CTNNA3: variants seen among roughly 807,000 people sequenced by gnomAD.
CTNNA3 encodes the protein catenin alpha 3.
CTNNA3 carries 76 observed loss-of-function variants against 95.7 expected under a neutral mutation model. The observed-to-expected ratio is 0.79, with a 90% CI of 0.66 to 0.96. The LOEUF (loss-of-function observed/expected upper bound fraction) is 0.96, where lower values mean the gene tolerates loss of function less well. CTNNA3 is among the 40% of genes least tolerant of loss of function. CTNNA3 has a pLI of 0.00. For missense variants in CTNNA3, 1,191 were observed against 1,089.8 expected, an observed-to-expected ratio of 1.09 and a Z score of -1.31; for synonymous variants, 431 against 374.4, an observed-to-expected ratio of 1.15 and a Z score of -1.74.
At chr10:67,342,551 GTAGTAGTTTCA>G (rs1842248732) in intron 5 of CTNNA3, among the ~76,000 whole-genome samples, 2 of 152,264 alleles carry the variant, frequency 1.3e-5, no homozygotes, top group South Asian at 2.1e-4. Flanking sequence ...AACGTTTTCT[GTAGTAGTTTCA>G]TAGTTTGAGA....
intron 9 of CTNNA3, among the ~76,000 whole-genome samples, chr10:66,644,622 C>T (rs1381755264): frequency 6.6e-6 from 1 of 151,626 alleles, no homozygotes; most frequent in Admixed American, 6.6e-5. Context: ...AAACTTTATC[C>T]CCGTCTTACA....
At chr10:67,312,540 G>A (rs1451233851) in intron 5 of CTNNA3, among the ~76,000 whole-genome samples, 1 of 152,146 alleles carries the variant, frequency 6.6e-6, no homozygotes, top group Non-Finnish European at 1.5e-5. Flanking sequence ...ATAGTTCAGT[G>A]CATCAAGGGA....
At chr10:66,014,031 G>A (rs575877199) in intron 15 of CTNNA3, among the ~76,000 whole-genome samples, 17 of 151,996 alleles carry the variant, frequency 1.1e-4, no homozygotes, top group Admixed American at 2.0e-4. Context: ...ATAACAACTT[G>A]TGAAGGAATA....
chr10:67,392,554 G>T (rs1160334065), intron 5 of CTNNA3, among the ~76,000 whole-genome samples: 1 of 152,148 alleles, frequency 6.6e-6, no homozygotes, highest in Non-Finnish European at 1.5e-5. Flanking sequence ...TCCCATTACT[G>T]GGTATATACC....
chr10:67,662,033 G>A (rs1337140074), intron 1 of CTNNA3, among the ~76,000 whole-genome samples: 1 of 152,026 alleles, frequency 6.6e-6, no homozygotes, highest in Admixed American at 6.6e-5. Flanking sequence ...CACTCCTTAG[G>A]TATTTAGCCA....
intron 7 of CTNNA3, among the ~76,000 whole-genome samples, chr10:67,147,481 G>A (rs1860900460): frequency 6.6e-6 from 1 of 152,126 alleles, no homozygotes; most frequent in Non-Finnish European, 1.5e-5. Context: ...AGCACAAAAT[G>A]TATTCTTTTC....
chr10:67,321,109 C>T (rs544340885), intron 5 of CTNNA3, among the ~76,000 whole-genome samples: 16 of 152,282 alleles, frequency 1.1e-4, no homozygotes, highest in Non-Finnish European at 2.2e-4. Flanking sequence ...ACTAACTGCA[C>T]TTAACATATG....
chr10:66,072,420 G>A (rs2080458467), intron 14 of CTNNA3, among the ~76,000 whole-genome samples: 1 of 148,928 alleles, frequency 6.7e-6, no homozygotes, highest in Non-Finnish European at 1.5e-5. Flanking sequence ...TGCTGACCAA[G>A]TGATGCCTGA....
At chr10:67,314,344 A>G (rs897229831) in intron 5 of CTNNA3, among the ~76,000 whole-genome samples, 1 of 152,208 alleles carries the variant, frequency 6.6e-6, no homozygotes, top group African/African-American at 2.4e-5. Flanking sequence ...ATGGAATTCA[A>G]AGGAAAGACT....
chr10:66,756,312 C>G (rs59729585), intron 9 of CTNNA3, among the ~76,000 whole-genome samples: 8 of 152,100 alleles, frequency 5.3e-5, no homozygotes, highest in Non-Finnish European at 8.8e-5. Context: ...TATATTGGAA[C>G]GCCATATATA....
chr10:66,963,677 G>A (rs10997454), intron 7 of CTNNA3, among the ~76,000 whole-genome samples: 33,448 of 151,602 alleles, frequency 0.22, 3,910 homozygotes, highest in East Asian at 0.36. Flanking sequence ...AGGGCATGTC[G>A]AAAACAGGTT....
At chr10:66,728,501 T>C (rs1240271310) in intron 9 of CTNNA3, among the ~76,000 whole-genome samples, 1 of 152,222 alleles carries the variant, frequency 6.6e-6, no homozygotes, top group Non-Finnish European at 1.5e-5. Context: ...ATGAAATCTT[T>C]GCCCCATGCC....
intron 10 of CTNNA3, among the ~76,000 whole-genome samples, chr10:66,551,896 C>CTTTTTTTTT (rs141885331): frequency 1.8e-5 from 2 of 113,964 alleles, no homozygotes; most frequent in Non-Finnish European, 3.6e-5. Context: ...TTTTCTTTTC[C>CTTTTTTTTT]TTTTTTTTTT....
At chr10:67,030,012 T>G (rs1564842217) in intron 7 of CTNNA3, among the ~76,000 whole-genome samples, 1 of 152,250 alleles carries the variant, frequency 6.6e-6, no homozygotes, top group South Asian at 2.1e-4. Flanking sequence ...GTGCCCTGTA[T>G]TTCAAACACT....
chr10:67,060,141 C>A (rs966884645), intron 7 of CTNNA3, among the ~76,000 whole-genome samples: 1 of 152,022 alleles, frequency 6.6e-6, no homozygotes, highest in Non-Finnish European at 1.5e-5. Flanking sequence ...CATGGCGAAA[C>A]CCCATCTCCA....
chr10:66,803,900 T>G (rs1589272706), intron 7 of CTNNA3, among the ~76,000 whole-genome samples: 1 of 152,094 alleles, frequency 6.6e-6, no homozygotes, highest in Admixed American at 6.6e-5. Context: ...CAACAATTTT[T>G]TGCCTTCATT....
rs558754834 is a variant in CTNNA3, at chr10:67,735,750, G to T, written c.-2+27684C>A. Among the ~76,000 whole-genome samples the T allele has an allele frequency of 6.6e-5, 10 of 152,288 alleles. No homozygotes were observed. In the South Asian group the frequency reaches 1.9e-3, roughly 28 times the overall value. On this transcript the variant is annotated intron_variant, in intron 1 of 17. Coordinates refer to the CTNNA3 transcript ENST00000684154. ...CGTTGCTATGGAAAACAGTTTGGTA[G>T]TTCCTCAAAAAGTTAAACATAGAAT...
chr10:67,620,557 T>C (rs1021595771), intron 2 of CTNNA3, among the ~76,000 whole-genome samples: 1 of 148,012 alleles, frequency 6.8e-6, no homozygotes, highest in Non-Finnish European at 1.5e-5. Flanking sequence ...CAATTCCCAG[T>C]AGGTAGGAGT....
At chr10:66,199,788 TATATATATATATATA>T (rs2087232292) in intron 13 of CTNNA3, among the ~76,000 whole-genome samples, 1 of 13,698 alleles carries the variant, frequency 7.3e-5, no homozygotes, top group Non-Finnish European at 1.6e-4. Context: ...TATATATATA[TATATATATATATATA>T]TATTTTTTTT....
Sources: gnomAD v4.1 joint callset for allele counts (sites outside exome capture counted in the v4.1 genomes callset) on GRCh38, gnomAD v4.1.1 for gene constraint, MANE v1.5 for transcripts, NCBI Gene and HGNC (gene_info 2026-07-23, HGNC 2026-07-21) for gene names.